AFF3: variants seen among roughly 807,000 people sequenced by gnomAD.
AFF3 encodes ALF transcription elongation factor 3, also known as AF4/FMR2 family member 3.
AFF3 carries 32 observed loss-of-function variants against 129.7 expected under a neutral mutation model. That is an observed-to-expected ratio of 0.25 (90% CI 0.19 to 0.33). The LOEUF (loss-of-function observed/expected upper bound fraction) is 0.33. AFF3 is among the 10% of genes least tolerant of loss of function. AFF3 has a pLI of 1.00. For missense variants in AFF3, 1,373 were observed against 1,592.0 expected (o/e 0.86, Z 2.34); for synonymous variants, 644 against 635.4 (o/e 1.01, Z -0.20).
intron 11 of AFF3, among the ~76,000 whole-genome samples, chr2:99,705,212 C>T (rs550776774): frequency 2.0e-5 from 3 of 152,236 alleles, no homozygotes; most frequent in African/African-American, 7.2e-5. Context: ...ATGCTGGGAA[C>T]CAGCTGTGAG....
rs985918830 is a variant in AFF3 at position 99,726,941 on chromosome 2, A to G, written c.1091+136T>C. The G allele has an allele frequency of 6.4e-6, 5 of 787,102 alleles. No individual in the cohort carries two copies. In the African/African-American group the frequency reaches 9.0e-5, roughly 14 times the overall value. The allele number at this position is 787,102 out of a possible 1,614,324, so 48.8% of individuals were successfully genotyped here. A position where few individuals can be genotyped will look rare whatever the true frequency, so the allele number is the denominator to read the frequency against. ...GCATCTGCACCCAAAGCATTTAGAA[A>G]GACATTATCATGAGAAAAGAGAACC... On this transcript the variant is annotated intron_variant, in intron 11 of 24. Transcript: ENST00000672756.
chr2:99,561,344 G>A lies in AFF3; in HGVS notation c.3120-908C>T, dbSNP rs191822524. 1.8e-3 allele frequency among the ~76,000 whole-genome samples: 275 copies of A among 152,308 alleles called. 1 individual carries two copies. Among genetic ancestry groups the A allele is most frequent in the Non-Finnish European group, 2.7e-3 (183 of 68,036 alleles). On this transcript the variant is annotated intron_variant, in intron 20 of 24. Coordinates refer to ENST00000672756, the MANE Select transcript of AFF3 (RefSeq NM_001386135.1). Reference sequence around the variant, plus strand: ...CATCGCACTATCTCCTCAACATGCAGACTTGTAGCATTTTTCAGTGTTATC... The same window carrying A: ...CATCGCACTATCTCCTCAACATGCAAACTTGTAGCATTTTTCAGTGTTATC...
At chr2:99,744,056 C>A in intron 10 of AFF3, 48 bp downstream of exon 10, 1 of 1,548,436 alleles carries the variant, frequency 6.5e-7, no homozygotes, top group Non-Finnish European at 8.9e-7. Flanking sequence ...GCCCTCTGCC[C>A]CCACCCCCTG....
chr2:99,743,578 G>C (rs1375851309), intron 10 of AFF3, among the ~76,000 whole-genome samples: 1 of 152,102 alleles, frequency 6.6e-6, no homozygotes, highest in Non-Finnish European at 1.5e-5. Flanking sequence ...TCCTCTCTTT[G>C]ACAAAAAAGC....
At chr2:99,889,066 A>T (rs1693341063) in intron 7 of AFF3, among the ~76,000 whole-genome samples, 1 of 152,232 alleles carries the variant, frequency 6.6e-6, no homozygotes, top group South Asian at 2.1e-4. Flanking sequence ...GAGGACAGAC[A>T]TGTTGCCTAG....
intron 2 of AFF3, among the ~76,000 whole-genome samples, chr2:100,107,656 AGAG>A (rs1347829278): frequency 1.3e-5 from 2 of 152,122 alleles, no homozygotes; most frequent in African/African-American, 4.8e-5. Context: ...CTGCTAAATG[AGAG>A]GAGCTGCTTG....
intron 8 of AFF3, among the ~76,000 whole-genome samples, chr2:99,771,237 G>C (rs1683454206): frequency 6.6e-6 from 1 of 152,030 alleles, no homozygotes; most frequent in African/African-American, 2.4e-5. Flanking sequence ...GGATGGTGGG[G>C]AAAAACACAT....
At chr2:99,801,695 G>A (rs56118689) in intron 8 of AFF3, among the ~76,000 whole-genome samples, 3,804 of 152,284 alleles carry the variant, frequency 0.025, 91 homozygotes, top group African/African-American at 0.061. Flanking sequence ...CTACTTTTAC[G>A]ACCTCTCATT....
chr2:99,847,685 A>C (rs972613732), intron 7 of AFF3, among the ~76,000 whole-genome samples: 1 of 151,938 alleles, frequency 6.6e-6, no homozygotes, highest in Non-Finnish European at 1.5e-5. Flanking sequence ...ATTAATCCTC[A>C]CATGTGTCCC....
chr2:99,838,066 T>C (rs1019579976), intron 7 of AFF3, among the ~76,000 whole-genome samples: 4 of 152,160 alleles, frequency 2.6e-5, no homozygotes, highest in African/African-American at 9.7e-5. Flanking sequence ...TGGACTGGCA[T>C]GTGGGGCGTC....
chr2:99,601,010 G>C (rs541560394), intron 14 of AFF3, among the ~76,000 whole-genome samples: 1 of 152,264 alleles, frequency 6.6e-6, no homozygotes, highest in East Asian at 1.9e-4. Context: ...AAAAAGGTAA[G>C]AATCTGACCA....
chr2:99,596,667 G>A (rs1241094038), intron 14 of AFF3, among the ~76,000 whole-genome samples: 1 of 152,194 alleles, frequency 6.6e-6, no homozygotes, highest in African/African-American at 2.4e-5. Flanking sequence ...GCCTTCTATA[G>A]CCCACATCTC....
At chr2:99,895,413 T>A (rs112966501) in intron 7 of AFF3, among the ~76,000 whole-genome samples, 1 of 152,200 alleles carries the variant, frequency 6.6e-6, no homozygotes, top group African/African-American at 2.4e-5. Flanking sequence ...TTTAAAAAGA[T>A]GATATGCTGA....
In AFF3 at chr2:99,860,569, A is replaced by AAAAACAT. The variant is rs748515335; in HGVS notation, c.874-23046_874-23045insATGTTTT. On this transcript the variant is annotated intron_variant, in intron 7 of 24. Coordinates refer to ENST00000672756, the MANE Select transcript of AFF3 (RefSeq NM_001386135.1). Reference sequence around the variant, plus strand: ...ACTCTGTCTCAAAAAACAAAAAACAAACAAAAAAATTAGCCAGGCGTGGTG... The same window carrying AAAAACAT: ...ACTCTGTCTCAAAAAACAAAAAACAAAAAACATACAAAAAAATTAGCCAGGCGTGGTG... Among the ~76,000 whole-genome samples the AAAAACAT allele has an allele frequency of 7.4e-3, 1,108 of 150,012 alleles. 3 individuals carry two copies. Among genetic ancestry groups the AAAAACAT allele is most frequent in the Middle Eastern group, 0.024 (7 of 288 alleles).
chr2:100,031,122 G>A (rs1295860166), intron 4 of AFF3, among the ~76,000 whole-genome samples: 1 of 152,070 alleles, frequency 6.6e-6, no homozygotes, highest in Non-Finnish European at 1.5e-5. Flanking sequence ...GAAATAAGTG[G>A]AGTCTGTAAA....
intron 8 of AFF3, among the ~76,000 whole-genome samples, chr2:99,836,495 C>T (rs931267554): frequency 6.6e-6 from 1 of 152,006 alleles, no homozygotes; most frequent in African/African-American, 2.4e-5. Flanking sequence ...ATTATGAATT[C>T]AACAAATCAC....
At chr2:99,608,914 A>G (rs1190928180) in intron 13 of AFF3, among the ~76,000 whole-genome samples, 2 of 152,224 alleles carry the variant, frequency 1.3e-5, no homozygotes, top group Non-Finnish European at 2.9e-5. Context: ...GTGGGGCACC[A>G]TTCTGAGACC....
intron 11 of AFF3, among the ~76,000 whole-genome samples, chr2:99,695,995 A>T (rs1316760719): frequency 6.6e-6 from 1 of 151,058 alleles, no homozygotes; most frequent in Non-Finnish European, 1.5e-5. Context: ...AAAACTAAAA[A>T]CAAAGCCCCA....
intron 7 of AFF3, among the ~76,000 whole-genome samples, chr2:99,847,744 A>T (rs1369685982): frequency 3.3e-5 from 5 of 151,846 alleles, no homozygotes; most frequent in Middle Eastern, 3.2e-3. Flanking sequence ...GTGACTGCTG[A>T]CCACTGAATT....
Sources: allele counts gnomAD v4.1 joint callset (sites outside exome capture counted in the v4.1 genomes callset), GRCh38; gene constraint gnomAD v4.1.1; transcripts MANE v1.5; gene names NCBI Gene and HGNC (gene_info 2026-07-23, HGNC 2026-07-21).